Variants in PRKCB observed in about 807,000 individuals in gnomAD.
PRKCB encodes protein kinase C beta, also known as protein kinase C beta type.
PRKCB carries 13 observed loss-of-function variants against 81.5 expected under a neutral mutation model. The ratio of observed to expected loss-of-function variants is 0.16; its 90% CI spans 0.10 to 0.25. PRKCB has a LOEUF of 0.25. Ranked by LOEUF, PRKCB falls within the 10% of genes least tolerant of loss-of-function variation. PRKCB has a pLI of 1.00. For missense variants in PRKCB, 509 were observed against 875.7 expected (o/e 0.58, Z 5.29); for synonymous variants, 335 against 321.4 (o/e 1.04, Z -0.45).
chr16:24,209,358 C>T (rs1968100546), intron 16 of PRKCB, among the ~76,000 whole-genome samples: 3 of 152,118 alleles, frequency 2.0e-5, no homozygotes, highest in African/African-American at 4.8e-5. Flanking sequence ...ATGACTGCGG[C>T]AGTCTCTCCC....
At chr16:24,003,621 G>C (rs1233136952) in intron 3 of PRKCB, among the ~76,000 whole-genome samples, 1 of 152,136 alleles carries the variant, frequency 6.6e-6, no homozygotes, top group Admixed American at 6.5e-5. Flanking sequence ...CTGATCTCAA[G>C]TGATCTCCCT....
chr16:23,993,375 T>G (rs779208315), intron 3 of PRKCB, among the ~76,000 whole-genome samples: 3 of 152,072 alleles, frequency 2.0e-5, no homozygotes, highest in Non-Finnish European at 2.9e-5. Flanking sequence ...GGCTGAAACA[T>G]GGATTAAAAG....
chr16:24,114,096 G>C (rs568893620), intron 8 of PRKCB, among the ~76,000 whole-genome samples: 3 of 151,082 alleles, frequency 2.0e-5, no homozygotes, highest in African/African-American at 7.3e-5. Context: ...GTGCACGCCT[G>C]TAATACCAGC....
rs181391014 is a variant in PRKCB at position 24,018,680 on chromosome 16, C to T, written c.289-13456C>T. 3.6e-3 allele frequency among the ~76,000 whole-genome samples: 547 copies of T among 152,308 alleles called. 5 individuals carry two copies. Among genetic ancestry groups the T allele is most frequent in the African/African-American group, 0.012 (510 of 41,546 alleles). On this transcript the variant is annotated intron_variant, in intron 3 of 16. Transcript: ENST00000643927. ...CCTTCAAATGGAATAATTACGTATTCGCCAAATGGGCGGGGTTAGAAGAGG... is the reference window on the plus strand; with the variant it reads ...CCTTCAAATGGAATAATTACGTATTTGCCAAATGGGCGGGGTTAGAAGAGG...
At chr16:23,994,968 C>T (rs1048181141) in intron 3 of PRKCB, among the ~76,000 whole-genome samples, 1 of 152,056 alleles carries the variant, frequency 6.6e-6, no homozygotes, top group Non-Finnish European at 1.5e-5. Context: ...CTGATTTGTC[C>T]TAGTGAATGA....
chr16:24,020,976 TTTTC>T (rs59486748), intron 3 of PRKCB, among the ~76,000 whole-genome samples: 1,987 of 96,562 alleles, frequency 0.021, 27 homozygotes, highest in African/African-American at 0.021. Context: ...AGACTTTTCT[TTTTC>T]TTTCTTTCTT....
chr16:23,842,400 CTG>C (rs1444353281), intron 2 of PRKCB, among the ~76,000 whole-genome samples: 1 of 152,214 alleles, frequency 6.6e-6, no homozygotes, highest in African/African-American at 2.4e-5. Flanking sequence ...CTGTAGGAAA[CTG>C]TGTCAAAGTG....
intron 3 of PRKCB, among the ~76,000 whole-genome samples, chr16:24,007,147 G>A (rs1965135909): frequency 6.6e-6 from 1 of 152,162 alleles, no homozygotes; most frequent in Non-Finnish European, 1.5e-5. Context: ...CCCTGCTTCA[G>A]TTTCCTCATC....
chr16:24,054,894 A>C (rs1359944562), intron 5 of PRKCB, among the ~76,000 whole-genome samples: 1 of 152,200 alleles, frequency 6.6e-6, no homozygotes, highest in African/African-American at 2.4e-5. Flanking sequence ...TGTGGTCTGC[A>C]TCTGTCTGCA....
intron 2 of PRKCB, among the ~76,000 whole-genome samples, chr16:23,932,036 T>G (rs151124334): frequency 1.4e-4 from 21 of 152,294 alleles, no homozygotes; most frequent in Non-Finnish European, 2.9e-4. Flanking sequence ...TGCAATATTA[T>G]TACTAAAGAT....
intron 2 of PRKCB, among the ~76,000 whole-genome samples, chr16:23,971,627 C>T (rs778281948): frequency 1.3e-5 from 2 of 152,234 alleles, no homozygotes; most frequent in Admixed American, 6.5e-5. Context: ...TCTGGCCCCG[C>T]TCTGTGATGC....
chr16:24,138,735 C>T (rs1202070338), intron 9 of PRKCB, among the ~76,000 whole-genome samples: 8 of 151,892 alleles, frequency 5.3e-5, no homozygotes, highest in African/African-American at 7.3e-5. Context: ...CTTTAATCAA[C>T]ATCTCCCCAT....
intron 2 of PRKCB, among the ~76,000 whole-genome samples, chr16:23,978,999 C>T (rs969377074): frequency 2.0e-5 from 3 of 152,194 alleles, no homozygotes; most frequent in African/African-American, 7.2e-5. Flanking sequence ...GCTGAATCTT[C>T]AGAAGGTGAT....
At chr16:24,181,534 A>T (rs1323512809) in intron 13 of PRKCB, among the ~76,000 whole-genome samples, 2 of 152,192 alleles carry the variant, frequency 1.3e-5, no homozygotes, top group Admixed American at 6.5e-5. Context: ...TGGGAGGCAG[A>T]GGCAGGTGGA....
chr16:24,053,228 T>G (rs968926859), intron 5 of PRKCB, among the ~76,000 whole-genome samples: 2 of 152,248 alleles, frequency 1.3e-5, no homozygotes, highest in South Asian at 4.1e-4. Flanking sequence ...GGCATTGACT[T>G]AGTCACTGGA....
intron 6 of PRKCB, 42 bp from the exon 7 acceptor site, chr16:24,094,121 T>C (rs1966410417): frequency 6.3e-7 from 1 of 1,591,814 alleles, no homozygotes; most frequent in African/African-American, 1.4e-5. Flanking sequence ...CTTGAGAAAT[T>C]ACTACAACCT....
At chr16:24,000,958 A>G (rs1277373140) in intron 3 of PRKCB, among the ~76,000 whole-genome samples, 1 of 149,298 alleles carries the variant, frequency 6.7e-6, no homozygotes, top group Non-Finnish European at 1.5e-5. Context: ...TTATGTCTTT[A>G]AAATAGAGAA....
intron 2 of PRKCB, among the ~76,000 whole-genome samples, chr16:23,887,545 G>T (rs1482285686): frequency 6.6e-6 from 1 of 152,186 alleles, no homozygotes; most frequent in African/African-American, 2.4e-5. Flanking sequence ...TTTTATGGCT[G>T]TGTAGTATTC....
chr16:23,997,374 A>G (rs774550264), intron 3 of PRKCB, among the ~76,000 whole-genome samples: 2 of 152,258 alleles, frequency 1.3e-5, no homozygotes, highest in Non-Finnish European at 2.9e-5. Context: ...AAAACTATGA[A>G]TGGCCCAGAC....
Sources: gnomAD v4.1 joint callset for allele counts (sites outside exome capture counted in the v4.1 genomes callset) on GRCh38, gnomAD v4.1.1 for gene constraint, MANE v1.5 for transcripts, NCBI Gene and HGNC (gene_info 2026-07-23, HGNC 2026-07-21) for gene names.